Variants in AFG2A observed in about 807,000 individuals in gnomAD.
AFG2A encodes ATPase family gene 2 protein homolog A.
At chr4:123,011,215 C>G in the AFG2A span, among the ~76,000 whole-genome samples, 1 of 152,210 alleles carries the variant, frequency 6.6e-6, no homozygotes, top group Admixed American at 6.5e-5. Context: ...TATGAGTTTG[C>G]TGAGCTTTCT....
chr4:123,123,748 C>G, the AFG2A span, among the ~76,000 whole-genome samples: 1 of 151,038 alleles, frequency 6.6e-6, no homozygotes, highest in African/African-American at 2.4e-5. Context: ...GAGATCGAGA[C>G]CATCCTGGCT....
At chr4:123,117,373 A>G in the AFG2A span, among the ~76,000 whole-genome samples, 1 of 151,482 alleles carries the variant, frequency 6.6e-6, no homozygotes, top group African/African-American at 2.4e-5. Flanking sequence ...TAGAGAAGTT[A>G]AGGATTTACA....
the AFG2A span, among the ~76,000 whole-genome samples, chr4:123,197,316 G>A: frequency 5.4e-3 from 827 of 152,040 alleles, 9 homozygotes; most frequent in African/African-American, 0.019. Flanking sequence ...AACAATTTCC[G>A]TTACTTCTTA....
the AFG2A span, among the ~76,000 whole-genome samples, chr4:123,172,616 C>T: frequency 6.6e-6 from 1 of 152,050 alleles, no homozygotes; most frequent in Non-Finnish European, 1.5e-5. Context: ...CATTTCTCAC[C>T]CATTTTATGG....
At chr4:123,279,672 C>G in the AFG2A span, among the ~76,000 whole-genome samples, 11 of 152,176 alleles carry the variant, frequency 7.2e-5, no homozygotes, top group Middle Eastern at 3.4e-3. Context: ...ATATCATGAA[C>G]CAAAGATTAT....
the AFG2A span, among the ~76,000 whole-genome samples, chr4:122,943,655 T>C: frequency 6.6e-6 from 1 of 152,084 alleles, no homozygotes; most frequent in African/African-American, 2.4e-5. Context: ...AATATCGTTA[T>C]GTGTGAATTT....
the AFG2A span, among the ~76,000 whole-genome samples, chr4:123,085,851 A>C: frequency 6.6e-6 from 1 of 151,326 alleles, no homozygotes. Flanking sequence ...TAGACTGTTA[A>C]GTTTTTTGGG....
At chr4:123,040,135 T>C in the AFG2A span, among the ~76,000 whole-genome samples, 1 of 152,114 alleles carries the variant, frequency 6.6e-6, no homozygotes, top group African/African-American at 2.4e-5. Flanking sequence ...CTAGAAGAAG[T>C]TGTTATTGTT....
the AFG2A span, among the ~76,000 whole-genome samples, chr4:123,053,906 G>T: frequency 6.6e-6 from 1 of 152,184 alleles, no homozygotes; most frequent in Admixed American, 6.5e-5. Flanking sequence ...GAGCATGTCG[G>T]GGAGGATCAG....
chr4:123,268,399 G>A, the AFG2A span, among the ~76,000 whole-genome samples: 2 of 152,092 alleles, frequency 1.3e-5, no homozygotes, highest in Admixed American at 6.6e-5. Flanking sequence ...TTGTAGACAT[G>A]GTAACATCTG....
chr4:123,040,295 A>G, the AFG2A span, among the ~76,000 whole-genome samples: 1 of 152,102 alleles, frequency 6.6e-6, no homozygotes, highest in Non-Finnish European at 1.5e-5. Flanking sequence ...GACATTTTTG[A>G]TGACTTTTGA....
At chr4:123,156,147 T>C in the AFG2A span, among the ~76,000 whole-genome samples, 1 of 152,306 alleles carries the variant, frequency 6.6e-6, no homozygotes, top group South Asian at 2.1e-4. Context: ...TGGCTAGACC[T>C]TAAGTTAGGA....
the AFG2A span, among the ~76,000 whole-genome samples, chr4:123,064,714 A>G: frequency 2.0e-5 from 3 of 152,214 alleles, no homozygotes; most frequent in African/African-American, 7.2e-5. Flanking sequence ...AGGACATTTC[A>G]TAGGATCCTA....
chr4:123,137,845 T>C, the AFG2A span, among the ~76,000 whole-genome samples: 19 of 152,222 alleles, frequency 1.2e-4, no homozygotes, highest in African/African-American at 4.6e-4. Flanking sequence ...TTCTTTGTTT[T>C]GTGTGTTGCT....
At chr4:123,061,607 G>C in the AFG2A span, among the ~76,000 whole-genome samples, 1 of 152,290 alleles carries the variant, frequency 6.6e-6, no homozygotes, top group South Asian at 2.1e-4. Context: ...ACCTGGCCCT[G>C]CCCTTGACAC....
the AFG2A span, among the ~76,000 whole-genome samples, chr4:123,066,595 A>T: frequency 2.6e-4 from 39 of 152,240 alleles, no homozygotes; most frequent in Non-Finnish European, 5.3e-4. Context: ...TTCAGGGTAA[A>T]AATTCTCATG....
the AFG2A span, among the ~76,000 whole-genome samples, chr4:123,090,392 A>G: frequency 6.6e-6 from 1 of 152,226 alleles, no homozygotes; most frequent in Non-Finnish European, 1.5e-5. Context: ...ATAGAGGAAA[A>G]TAAATGATTT....
At chr4:122,965,251 CA>C in the AFG2A span, among the ~76,000 whole-genome samples, 1 of 152,096 alleles carries the variant, frequency 6.6e-6, no homozygotes, top group Non-Finnish European at 1.5e-5. Flanking sequence ...ATTGTGATCT[CA>C]AAAATAACAT....
chr4:123,092,873 A>G, the AFG2A span, among the ~76,000 whole-genome samples: 2 of 152,154 alleles, frequency 1.3e-5, no homozygotes, highest in East Asian at 3.9e-4. Flanking sequence ...AGAAACAGCA[A>G]TGGAAAACTC....
Sources: allele counts gnomAD v4.1 joint callset (sites outside exome capture counted in the v4.1 genomes callset), GRCh38; gene constraint gnomAD v4.1.1; transcripts MANE v1.5; gene names NCBI Gene and HGNC (gene_info 2026-07-23, HGNC 2026-07-21).